The following GAS2 variants were observed in gnomAD, a reference collection of about 807,000 sequenced individuals.
GAS2 encodes growth arrest-specific protein 2.
In GAS2, 20 loss-of-function variants were observed where a neutral mutation model predicts 37.5. That is an observed-to-expected ratio of 0.53 (90% CI 0.37 to 0.77). The LOEUF (loss-of-function observed/expected upper bound fraction) is 0.77, where lower values mean the gene tolerates loss of function less well. GAS2 is among the 30% of genes least tolerant of loss of function. The pLI, the probability that GAS2 is intolerant of heterozygous loss-of-function variation, is 0.00. For missense variants in GAS2, 336 were observed against 373.4 expected, an observed-to-expected ratio of 0.90 and a Z score of 0.82; for synonymous variants, 144 against 132.2, an observed-to-expected ratio of 1.09 and a Z score of -0.61.
chr11:22,656,773 A>G (rs899560973), intron 1 of GAS2, among the ~76,000 whole-genome samples: 1 of 152,076 alleles, frequency 6.6e-6, no homozygotes, highest in East Asian at 1.9e-4. Flanking sequence ...TCTCAGTGAT[A>G]GTGTTTGTCA....
At chr11:22,743,560 A>G (rs1314497541) in intron 5 of GAS2, among the ~76,000 whole-genome samples, 1 of 152,108 alleles carries the variant, frequency 6.6e-6, no homozygotes, top group African/African-American at 2.4e-5. Flanking sequence ...GCAATGTCAG[A>G]TGCATTGAAG....
At chr11:22,726,542 T>A in intron 4 of GAS2, 109 bp downstream of exon 4, 1 of 883,824 alleles carries the variant, frequency 1.1e-6, no homozygotes, top group Non-Finnish European at 1.8e-6. Context: ...TGCAGATTAT[T>A]AGCTTAAAAA....
At chr11:22,767,561 G>A (rs1178313612) in intron 7 of GAS2, among the ~76,000 whole-genome samples, 2 of 150,584 alleles carry the variant, frequency 1.3e-5, no homozygotes, top group African/African-American at 4.9e-5. Context: ...GATTTTTTTT[G>A]CAAAGGGGAA....
chr11:22,662,679 C>T (rs527928048), upstream of GAS2, among the ~76,000 whole-genome samples: 1 of 151,932 alleles, frequency 6.6e-6, no homozygotes, highest in East Asian at 1.9e-4. Context: ...ACACCTTCAA[C>T]TTAGACAACA....
intron 3 of GAS2, among the ~76,000 whole-genome samples, chr11:22,703,858 G>T (rs1298467716): frequency 6.6e-6 from 1 of 152,080 alleles, no homozygotes; most frequent in African/African-American, 2.4e-5. Context: ...TATGTGTTTT[G>T]TGTTTATATT....
At chr11:22,633,801 A>G (rs895870072) in intron 1 of GAS2, among the ~76,000 whole-genome samples, 9 of 152,208 alleles carry the variant, frequency 5.9e-5, no homozygotes, top group African/African-American at 2.2e-4. Flanking sequence ...TGAGACAGGC[A>G]TCCCTTTTCT....
chr11:22,764,878 T>C (rs559386363), intron 7 of GAS2, among the ~76,000 whole-genome samples: 2 of 152,368 alleles, frequency 1.3e-5, no homozygotes, highest in South Asian at 4.1e-4. Context: ...ATAAGCATTC[T>C]TACTCATCTC....
At chr11:22,673,914 A>G (rs72976274) in intron 1 of GAS2, among the ~76,000 whole-genome samples, 2,456 of 152,366 alleles carry the variant, frequency 0.016, 39 homozygotes, top group Non-Finnish European at 0.022. Context: ...TACTCTAAAG[A>G]TACTTTCAAA....
At chr11:22,746,472 A>G (rs1377571798) in intron 5 of GAS2, among the ~76,000 whole-genome samples, 1 of 152,232 alleles carries the variant, frequency 6.6e-6, no homozygotes, top group African/African-American at 2.4e-5. Context: ...TTGCCCATCA[A>G]TGGTGGATTG....
intron 1 of GAS2, among the ~76,000 whole-genome samples, chr11:22,668,567 CAGGTGCAAA>C (rs1226126056): frequency 6.6e-6 from 1 of 151,886 alleles, no homozygotes; most frequent in Admixed American, 6.6e-5. Context: ...AATATTTCAC[CAGGTGCAAA>C]AGGTCATGTG....
intron 7 of GAS2, among the ~76,000 whole-genome samples, chr11:22,764,377 G>T (rs1456964203): frequency 6.6e-6 from 1 of 151,872 alleles, no homozygotes; most frequent in African/African-American, 2.4e-5. Context: ...TGGCTAACAT[G>T]GTGAAACCCC....
intron 7 of GAS2, among the ~76,000 whole-genome samples, chr11:22,797,278 C>T (rs1224909894): frequency 6.6e-6 from 1 of 152,006 alleles, no homozygotes; most frequent in Non-Finnish European, 1.5e-5. Flanking sequence ...GCTGCTTTTC[C>T]CATGTTTGCT....
At chr11:22,780,853 G>C (rs1855526100) in intron 7 of GAS2, among the ~76,000 whole-genome samples, 1 of 152,056 alleles carries the variant, frequency 6.6e-6, no homozygotes, top group Non-Finnish European at 1.5e-5. Context: ...GAAATGTATT[G>C]ATTTGGAAAC....
At chr11:22,777,690 T>C (rs1236425090) in intron 7 of GAS2, among the ~76,000 whole-genome samples, 3 of 152,150 alleles carry the variant, frequency 2.0e-5, no homozygotes, top group Admixed American at 6.5e-5. Context: ...TTGGAGATTA[T>C]GTAGAGAATT....
intron 5 of GAS2, among the ~76,000 whole-genome samples, chr11:22,746,155 C>T (rs1234356312): frequency 6.6e-6 from 1 of 152,104 alleles, no homozygotes; most frequent in Non-Finnish European, 1.5e-5. Context: ...GCACATCAGC[C>T]TAGGTGACAG....
At chr11:22,788,694 C>T (rs1590132161) in intron 7 of GAS2, among the ~76,000 whole-genome samples, 2 of 152,140 alleles carry the variant, frequency 1.3e-5, no homozygotes, top group Non-Finnish European at 2.9e-5. Flanking sequence ...TATTTAATTA[C>T]TTATTCCCTC....
At chr11:22,735,453 G>A (rs1274630865) in intron 4 of GAS2, among the ~76,000 whole-genome samples, 1 of 151,434 alleles carries the variant, frequency 6.6e-6, no homozygotes, top group Non-Finnish European at 1.5e-5. Flanking sequence ...AAATTTTAAC[G>A]GGCTGATTCT....
chr11:22,715,552 T>A (rs1334772755), intron 3 of GAS2, among the ~76,000 whole-genome samples: 2 of 151,452 alleles, frequency 1.3e-5, no homozygotes, highest in African/African-American at 2.4e-5. Context: ...AAAGACCATT[T>A]AAGGCTACTA....
rs112454963 is a variant in GAS2 at position 22,803,852 on chromosome 11, T to G, written c.724-7946T>G. Among the ~76,000 whole-genome samples, 828 of 152,044 alleles carry G rather than the reference T, an allele frequency of 5.4e-3. 13 individuals carry two copies. Among genetic ancestry groups the G allele is most frequent in the East Asian group, 0.038 (197 of 5,150 alleles). ...ATCAGCAATTGCAATATTGTGGGAT[T>G]CATGTAACTGTGAAATCATGTATAA... On this transcript the variant is annotated intron_variant, in intron 7 of 7. Coordinates refer to ENST00000454584, the MANE Select transcript of GAS2 (RefSeq NM_001143830.3).
Sources: gnomAD v4.1 joint callset for allele counts (sites outside exome capture counted in the v4.1 genomes callset) on GRCh38, gnomAD v4.1.1 for gene constraint, MANE v1.5 for transcripts, NCBI Gene and HGNC (gene_info 2026-07-23, HGNC 2026-07-21) for gene names.